The following ADAMTS17 variants were observed in gnomAD, a reference collection of about 807,000 sequenced individuals.
The protein encoded by ADAMTS17 is A disintegrin and metalloproteinase with thrombospondin motifs 17.
In ADAMTS17, 113 loss-of-function variants were observed where a neutral mutation model predicts 141.5. The observed-to-expected ratio is 0.80, with a 90% confidence interval of 0.69 to 0.93. ADAMTS17 has a LOEUF of 0.93. Among genes scored for constraint, ADAMTS17 ranks in the 40% least tolerant of loss-of-function variants. The probability of loss-of-function intolerance (pLI) is 0.00; values close to 1 mark genes in which losing one functional copy is unlikely to be tolerated. For missense variants in ADAMTS17, 1,659 were observed against 1,517.9 expected (o/e 1.09, Z -1.54); for synonymous variants, 768 against 630.6 (o/e 1.22, Z -3.27).
Position 99,971,492 on chromosome 15 carries a change from A to G in ADAMTS17, c.*2910T>C, listed in dbSNP as rs1042815473. On this transcript the variant is annotated 3_prime_UTR_variant, in exon 22 of 22. Coordinates refer to ENST00000268070, the MANE Select transcript of ADAMTS17 (RefSeq NM_139057.4). ...TCAACTTGCTTCCAATGAAATGATTAATTTTTCTATATAATTTTCATGTAT... is the reference window on the plus strand; with the variant it reads ...TCAACTTGCTTCCAATGAAATGATTGATTTTTCTATATAATTTTCATGTAT... The G allele has an allele frequency of 1.3e-5, 2 of 152,200 alleles. No individual in the cohort carries two copies. Among genetic ancestry groups the G allele is most frequent in the Non-Finnish European group, 1.5e-5 (1 of 68,032 alleles). The allele number at this position is 152,200 out of a possible 1,614,324, so 9.4% of individuals were successfully genotyped here.
chr15:100,330,453 G>A (rs944152644), intron 3 of ADAMTS17, among the ~76,000 whole-genome samples: 5 of 152,126 alleles, frequency 3.3e-5, no homozygotes, highest in African/African-American at 1.2e-4. Flanking sequence ...TGGCCCGGGG[G>A]CCACACTGTA....
chr15:100,120,261 A>T (rs2037385478), intron 12 of ADAMTS17, among the ~76,000 whole-genome samples: 1 of 152,182 alleles, frequency 6.6e-6, no homozygotes, highest in Non-Finnish European at 1.5e-5. Context: ...TCCAGGGGAA[A>T]GCCAGGTCAA....
At chr15:100,167,256 C>T (rs2039986237) in intron 8 of ADAMTS17, among the ~76,000 whole-genome samples, 1 of 152,176 alleles carries the variant, frequency 6.6e-6, no homozygotes, top group African/African-American at 2.4e-5. Flanking sequence ...AAATTACTCA[C>T]AGATACTTGG....
At position 99,976,112 on chromosome 15, in the gene ADAMTS17, G is replaced by A. The variant is rs917232096; in HGVS notation, c.3060C>T (p.Tyr1020=). 25 of 1,551,564 alleles carry A rather than the reference G, an allele frequency of 1.6e-5. No homozygotes were observed. Among genetic ancestry groups the A allele is most frequent in the South Asian group, 3.6e-5 (3 of 84,042 alleles). Residue 1020 remains tyrosine (Y), a synonymous_variant, in exon 21 of 22, where the codon TAC becomes TAT. Transcript: ENST00000268070. ...ECPALSKPAP[Y]RQCYQEVCND... is the part of the protein sequence containing the mutation. ...TGCAGACCTCCTGGTAGCACTGTCT[G>A]TAGGGGGCAGGCTTCGAGAGGGCGG... is the stretch of plus-strand genomic sequence containing the variant.
chr15:100,168,705 T>C (rs923459209), intron 8 of ADAMTS17: 3 of 152,168 alleles, frequency 2.0e-5, no homozygotes, highest in Non-Finnish European at 4.4e-5. Flanking sequence ...TCTTGCGGAG[T>C]GCTACAAGGC....
intron 10 of ADAMTS17, among the ~76,000 whole-genome samples, chr15:100,142,383 G>C (rs151020302): frequency 1.3e-5 from 2 of 152,224 alleles, no homozygotes; most frequent in African/African-American, 4.8e-5. Flanking sequence ...CCAGAGTACC[G>C]GGAGGGATGG....
chr15:100,096,479 A>T lies in ADAMTS17; in HGVS notation c.2017-3T>A. On this transcript the variant is annotated splice_region_variant and splice_polypyrimidine_tract_variant and intron_variant, in intron 14 of 21. Transcript: ENST00000268070. ...ATGATGCCGTCACAGCCGATTTTCT[A>T]AAGAACCAGAGGGCCTCATTATTCT... 6.2e-7 allele frequency: 1 copy of T among 1,614,056 alleles called. No individual in the cohort carries two copies.
At chr15:100,025,790 T>C (rs2061502574) in intron 18 of ADAMTS17, among the ~76,000 whole-genome samples, 1 of 152,224 alleles carries the variant, frequency 6.6e-6, no homozygotes. Flanking sequence ...AACTTTGTAG[T>C]AGTATTTAAT....
chr15:100,127,877 C>T (rs752467923), intron 12 of ADAMTS17, among the ~76,000 whole-genome samples: 4 of 147,362 alleles, frequency 2.7e-5, no homozygotes, highest in East Asian at 2.0e-4. Flanking sequence ...CCACTGGGCT[C>T]GGCCCCCTGA....
intron 15 of ADAMTS17, among the ~76,000 whole-genome samples, chr15:100,075,312 A>G (rs921500338): frequency 2.6e-5 from 4 of 152,190 alleles, no homozygotes; most frequent in African/African-American, 9.7e-5. Context: ...TTTTTCTGCC[A>G]GTTTCTCTAA....
At chr15:100,134,096 T>G (rs573339475) in intron 10 of ADAMTS17, among the ~76,000 whole-genome samples, 3 of 152,336 alleles carry the variant, frequency 2.0e-5, no homozygotes, top group East Asian at 1.9e-4. Flanking sequence ...CAGTGTCCTC[T>G]CTGAAGGAAC....
At chr15:100,325,099 T>C (rs1369579129) in intron 3 of ADAMTS17, among the ~76,000 whole-genome samples, 1 of 152,200 alleles carries the variant, frequency 6.6e-6, no homozygotes, top group Non-Finnish European at 1.5e-5. Flanking sequence ...GACGGTTCGC[T>C]TGAACATGCC....
chr15:100,290,812 T>C (rs1220974399), intron 3 of ADAMTS17, among the ~76,000 whole-genome samples: 1 of 152,034 alleles, frequency 6.6e-6, no homozygotes, highest in African/African-American at 2.4e-5. Context: ...AAGATTAAAA[T>C]TGGACCCCTT....
chr15:100,112,604 C>T (rs532951136), intron 13 of ADAMTS17, among the ~76,000 whole-genome samples: 6 of 152,116 alleles, frequency 3.9e-5, no homozygotes, highest in Non-Finnish European at 7.3e-5. Context: ...GCTTTGCACC[C>T]AGCATCAACA....
rs1304830520 is a variant in ADAMTS17 at position 99,971,672 on chromosome 15, CA to C, written c.*2729del. On this transcript the variant is annotated 3_prime_UTR_variant, in exon 22 of 22. Transcript: ENST00000268070. ...AACGAAAAAAGGACAATCGTATTGCCATAGAGGCTCTTTTCCTGCATTCTGA... is the reference window on the plus strand; with the variant it reads ...AACGAAAAAAGGACAATCGTATTGCCTAGAGGCTCTTTTCCTGCATTCTGA... The C allele has an allele frequency of 1.3e-5, 2 of 152,090 alleles. No individual in the cohort carries two copies. Among genetic ancestry groups the C allele is most frequent in the African/African-American group, 4.8e-5 (2 of 41,398 alleles). 9.4% of individuals were successfully genotyped at this position (152,090 alleles called of 1,614,324 possible).
In ADAMTS17 at chr15:100,004,597, A is replaced by G. The variant is rs1055787762; in HGVS notation, c.2592-7008T>C. ...CAAGTTTGAGGTAGCTGCTCTTCTT[A>G]AAAGCATGATACTGTAATTCTTTTT... is the stretch of plus-strand genomic sequence containing the variant. On this transcript the variant is annotated intron_variant, in intron 18 of 21. Transcript: ENST00000268070. 1.1e-4 allele frequency among the ~76,000 whole-genome samples: 16 copies of G among 151,260 alleles called. 1 individual carries two copies. The highest frequency in any genetic ancestry group is 3.6e-4 in the African/African-American group (15 of 41,146).
chr15:100,339,182 G>A (rs2046292134), intron 2 of ADAMTS17: 1 of 985,062 alleles, frequency 1.0e-6, no homozygotes, highest in South Asian at 4.7e-5. Context: ...ACCCTCACAT[G>A]GTGCTAAAGG....
intron 17 of ADAMTS17, among the ~76,000 whole-genome samples, 171 bp from the exon 18 acceptor site, chr15:100,049,163 G>C (rs143241350): frequency 2.0e-4 from 30 of 152,308 alleles, no homozygotes; most frequent in African/African-American, 7.2e-4. Flanking sequence ...TATAATCGTA[G>C]GGAGGAGAGT....
chr15:100,123,317 C>T (rs777178376), intron 12 of ADAMTS17, among the ~76,000 whole-genome samples: 6 of 152,160 alleles, frequency 3.9e-5, no homozygotes, highest in South Asian at 2.1e-4. Flanking sequence ...GAGACTAAAA[C>T]GACAGAAAGA....
Sources: gnomAD v4.1 joint callset for allele counts (sites outside exome capture counted in the v4.1 genomes callset) on GRCh38, gnomAD v4.1.1 for gene constraint, MANE v1.5 for transcripts, NCBI Gene and HGNC (gene_info 2026-07-23, HGNC 2026-07-21) for gene names.